Variants in NALF1 observed in about 807,000 individuals in gnomAD.
NALF1 encodes NALCN channel auxiliary factor 1.
A neutral mutation model predicts 48.4 loss-of-function variants in NALF1; 3 were observed. The observed-to-expected ratio is 0.06, with a 90% confidence interval of 0.03 to 0.16. NALF1 has a LOEUF of 0.16. NALF1 is among the 10% of genes least tolerant of loss of function. The pLI is 1.00. For synonymous variants in NALF1, 262 were observed against 245.7 expected (o/e 1.07, Z -0.62); for missense variants, 526 against 571.5 (o/e 0.92, Z 0.81).
At chr13:107,618,714 A>G (rs557560885) in intron 1 of NALF1, among the ~76,000 whole-genome samples, 1 of 152,240 alleles carries the variant, frequency 6.6e-6, no homozygotes, top group East Asian at 1.9e-4. Context: ...AAGGAAATGA[A>G]GGAGTAAAGC....
At chr13:107,825,954 C>T (rs749288239) in intron 1 of NALF1, among the ~76,000 whole-genome samples, 16 of 150,460 alleles carry the variant, frequency 1.1e-4, no homozygotes, top group Non-Finnish European at 2.4e-4. Context: ...CTAATTTCTG[C>T]ATTTTTAGTA....
At chr13:107,479,077 A>G (rs1885214798) in intron 1 of NALF1, among the ~76,000 whole-genome samples, 1 of 152,166 alleles carries the variant, frequency 6.6e-6, no homozygotes, top group South Asian at 2.1e-4. Context: ...CAAAGGAATG[A>G]CTTACACTGT....
At chr13:107,759,986 T>C (rs114866878) in intron 1 of NALF1, among the ~76,000 whole-genome samples, 2,279 of 152,202 alleles carry the variant, frequency 0.015, 66 homozygotes, top group African/African-American at 0.052. Context: ...GAAATATCTA[T>C]CTAGTAATAA....
chr13:107,574,659 G>A (rs1039892543), intron 1 of NALF1, among the ~76,000 whole-genome samples: 4 of 152,182 alleles, frequency 2.6e-5, no homozygotes, highest in African/African-American at 9.7e-5. Context: ...TGAGTGACCT[G>A]TTGGTAGCAG....
chr13:107,317,439 A>G (rs1882172277), intron 1 of NALF1, among the ~76,000 whole-genome samples: 1 of 152,092 alleles, frequency 6.6e-6, no homozygotes, highest in African/African-American at 2.4e-5. Flanking sequence ...ACAATTTTAC[A>G]TATGGGAGGT....
At chr13:107,864,443 A>G (rs980158661) in intron 1 of NALF1, among the ~76,000 whole-genome samples, 2 of 152,196 alleles carry the variant, frequency 1.3e-5, no homozygotes, top group Non-Finnish European at 2.9e-5. Flanking sequence ...AAAATCACAA[A>G]ATTATTTGAT....
At chr13:107,411,720 C>A (rs925484972) in intron 1 of NALF1, among the ~76,000 whole-genome samples, 1 of 152,160 alleles carries the variant, frequency 6.6e-6, no homozygotes, top group Non-Finnish European at 1.5e-5. Flanking sequence ...TTATGCCAAC[C>A]CACTCCCCTG....
At chr13:107,340,804 T>C (rs1361025656) in intron 1 of NALF1, among the ~76,000 whole-genome samples, 1 of 152,198 alleles carries the variant, frequency 6.6e-6, no homozygotes, top group African/African-American at 2.4e-5. Context: ...TAATAAACAA[T>C]GTTATCTTAA....
chr13:107,802,060 A>C (rs956806913), intron 1 of NALF1, among the ~76,000 whole-genome samples: 3 of 152,196 alleles, frequency 2.0e-5, no homozygotes, highest in Non-Finnish European at 4.4e-5. Flanking sequence ...CTCAAGATGA[A>C]AGTCTCTTTG....
rs577228924 is a variant in NALF1 at position 107,724,220 on chromosome 13, GTCAAGGTT to G, written c.915+141454_915+141461del. 2.6e-5 allele frequency among the ~76,000 whole-genome samples: 4 copies of G among 151,892 alleles called. 1 individual carries two copies. The South Asian group carries it at 8.3e-4, about 31-fold the overall frequency. On this transcript the variant is annotated intron_variant, in intron 1 of 2. Transcript: ENST00000375915. ...CTTTTCCCTTTTAAGATCTGCTTTT[GTCAAGGTT>G]TCAAATTTTGCTCTTTTTTAATTCT...
chr13:107,350,904 T>C (rs1252208720), intron 1 of NALF1, among the ~76,000 whole-genome samples: 1 of 152,166 alleles, frequency 6.6e-6, no homozygotes, highest in Non-Finnish European at 1.5e-5. Context: ...ATTCTGTGGT[T>C]TGAGAATCAC....
chr13:107,773,517 T>G (rs1240123792), intron 1 of NALF1, among the ~76,000 whole-genome samples: 1 of 152,170 alleles, frequency 6.6e-6, no homozygotes, highest in East Asian at 1.9e-4. Context: ...ATTCTTGTCC[T>G]AATTCTATTC....
chr13:107,653,699 C>T (rs1022680250), intron 1 of NALF1, among the ~76,000 whole-genome samples: 4 of 151,902 alleles, frequency 2.6e-5, no homozygotes, highest in African/African-American at 9.7e-5. Context: ...CCCAAAAGAC[C>T]ACCTCAGCTG....
At chr13:107,757,288 T>A (rs12583396) in intron 1 of NALF1, among the ~76,000 whole-genome samples, 1 of 151,956 alleles carries the variant, frequency 6.6e-6, no homozygotes, top group African/African-American at 2.4e-5. Context: ...GTTACTGGGG[T>A]GGGACGGAGA....
At chr13:107,448,575 G>A (rs1423969441) in intron 1 of NALF1, among the ~76,000 whole-genome samples, 1 of 152,172 alleles carries the variant, frequency 6.6e-6, no homozygotes, top group African/African-American at 2.4e-5. Context: ...ATGGTCATAT[G>A]CATGTCACAT....
At chr13:107,427,342 T>C (rs1884297655) in intron 1 of NALF1, among the ~76,000 whole-genome samples, 1 of 152,192 alleles carries the variant, frequency 6.6e-6, no homozygotes, top group South Asian at 2.1e-4. Context: ...TCTTCAAAAA[T>C]ACTTTTTGTC....
chr13:107,417,850 C>A (rs1478439029), intron 1 of NALF1, among the ~76,000 whole-genome samples: 1 of 152,180 alleles, frequency 6.6e-6, no homozygotes, highest in Non-Finnish European at 1.5e-5. Flanking sequence ...CACCTGAGGT[C>A]AGAAGTTCAA....
At chr13:107,285,278 T>C (rs1400609823) in intron 1 of NALF1, among the ~76,000 whole-genome samples, 2 of 152,230 alleles carry the variant, frequency 1.3e-5, no homozygotes, top group Non-Finnish European at 2.9e-5. Context: ...ATGACACATA[T>C]GCCCTAGATA....
intron 1 of NALF1, among the ~76,000 whole-genome samples, chr13:107,336,406 C>T (rs939799093): frequency 1.3e-5 from 2 of 151,798 alleles, no homozygotes; most frequent in Non-Finnish European, 2.9e-5. Flanking sequence ...AATCTAATAT[C>T]TTCACGAGTA....
Sources: allele counts gnomAD v4.1 joint callset (sites outside exome capture counted in the v4.1 genomes callset), GRCh38; gene constraint gnomAD v4.1.1; transcripts MANE v1.5; gene names NCBI Gene and HGNC (gene_info 2026-07-23, HGNC 2026-07-21).